PPDPFL: variants seen among roughly 807,000 people sequenced by gnomAD.
The protein encoded by PPDPFL is pancreatic progenitor cell differentiation and proliferation factor like.
In PPDPFL, 12 loss-of-function variants were observed where a neutral mutation model predicts 12.6. The ratio of observed to expected loss-of-function variants is 0.95; its 90% CI spans 0.61 to 1.54. The LOEUF is 1.54. Ranked by LOEUF, PPDPFL falls within the 40% of genes most tolerant of loss-of-function variation. The pLI, the probability that PPDPFL is intolerant of heterozygous loss-of-function variation, is 0.00. For synonymous variants in PPDPFL, 24 were observed against 32.7 expected (o/e 0.73, Z 0.91); for missense variants, 114 against 96.0 (o/e 1.19, Z -0.78).
upstream of PPDPFL, among the ~76,000 whole-genome samples, chr8:49,072,177 C>A (rs1376134326): frequency 6.6e-6 from 1 of 152,264 alleles, no homozygotes; most frequent in African/African-American, 2.4e-5. Context: ...ACTTGGCAGG[C>A]TGCTGCGTTC....
intron 1 of PPDPFL, among the ~76,000 whole-genome samples, chr8:49,060,931 GGT>G: frequency 6.6e-6 from 1 of 152,278 alleles, no homozygotes; most frequent in African/African-American, 2.4e-5. Context: ...GATTTGAACA[GGT>G]GATGCTCAAG....
chr8:49,060,060 A>G (rs1178023775), intron 1 of PPDPFL, among the ~76,000 whole-genome samples: 1 of 152,252 alleles, frequency 6.6e-6, no homozygotes, highest in Non-Finnish European at 1.5e-5. Flanking sequence ...ATGAAAGAAC[A>G]CTGTAGTTGA....
At chr8:49,067,196 C>T (rs980524411) in intron 1 of PPDPFL, among the ~76,000 whole-genome samples, 1 of 152,126 alleles carries the variant, frequency 6.6e-6, no homozygotes, top group Admixed American at 6.5e-5. Flanking sequence ...TCATATATCA[C>T]TTGTGGAGGC....
upstream of PPDPFL, among the ~76,000 whole-genome samples, chr8:49,069,092 G>T (rs889504227): frequency 6.6e-6 from 1 of 152,036 alleles, no homozygotes; most frequent in African/African-American, 2.4e-5. Context: ...TAAACAAACA[G>T]CACAAAGGTA....
chr8:49,074,905 A>C, intron 4 of PPDPFL: 2 of 1,387,812 alleles, frequency 1.4e-6, no homozygotes, highest in Non-Finnish European at 1.9e-6. Context: ...AAGAATCTAT[A>C]ATAAAGGGAT....
intron 1 of PPDPFL, among the ~76,000 whole-genome samples, chr8:49,057,153 C>T (rs1808123411): frequency 6.6e-6 from 1 of 152,160 alleles, no homozygotes. Flanking sequence ...GCTAAAAAAG[C>T]CTTGCCAATA....
chr8:49,064,862 G>A (rs145163465), intron 1 of PPDPFL, among the ~76,000 whole-genome samples: 1 of 152,068 alleles, frequency 6.6e-6, no homozygotes, highest in African/African-American at 2.4e-5. Flanking sequence ...TTTAAATTTC[G>A]ATCTGACATG....
chr8:49,066,272 C>T (rs891360385), intron 1 of PPDPFL, among the ~76,000 whole-genome samples: 1 of 152,172 alleles, frequency 6.6e-6, no homozygotes, highest in African/African-American at 2.4e-5. Context: ...ATATTTTCTC[C>T]ATATCCATGA....
At chr8:49,056,517 T>C (rs1187298365) in intron 1 of PPDPFL, among the ~76,000 whole-genome samples, 7 of 152,182 alleles carry the variant, frequency 4.6e-5, no homozygotes, top group African/African-American at 1.4e-4. Context: ...AAACTTTGTC[T>C]TGTTAACCTT....
At chr8:49,070,164 T>C (rs1808355763), upstream of PPDPFL, among the ~76,000 whole-genome samples, 1 of 152,198 alleles carries the variant, frequency 6.6e-6, no homozygotes. Flanking sequence ...ATACCACATG[T>C]TCTCACGTAA....
upstream of PPDPFL, among the ~76,000 whole-genome samples, chr8:49,069,002 G>A (rs1808341009): frequency 6.6e-6 from 1 of 152,118 alleles, no homozygotes; most frequent in African/African-American, 2.4e-5. Context: ...ACAGCAAGTT[G>A]AAAATTAAGG....
At chr8:49,074,168 A>G in intron 3 of PPDPFL, 32 bp downstream of exon 3, 1 of 1,602,560 alleles carries the variant, frequency 6.2e-7, no homozygotes, top group Non-Finnish European at 8.5e-7. Flanking sequence ...TGTCATCCTT[A>G]TTATTTCTTT....
intron 1 of PPDPFL, among the ~76,000 whole-genome samples, chr8:49,059,707 A>G (rs771663452): frequency 2.0e-5 from 3 of 152,208 alleles, no homozygotes; most frequent in African/African-American, 7.2e-5. Flanking sequence ...GATTAACATA[A>G]TATTAATTGC....
At chr8:49,070,969 G>C (rs1282450803), upstream of PPDPFL, among the ~76,000 whole-genome samples, 2 of 152,066 alleles carry the variant, frequency 1.3e-5, no homozygotes, top group South Asian at 2.1e-4. Context: ...CTGTACATTA[G>C]ATCTCTAGAA....
At chr8:49,069,328 T>G (rs757501574), upstream of PPDPFL, among the ~76,000 whole-genome samples, 8 of 152,220 alleles carry the variant, frequency 5.3e-5, no homozygotes, top group Non-Finnish European at 1.0e-4. Flanking sequence ...ACATGTAACA[T>G]AATGGCAGTA....
intron 1 of PPDPFL, 56 bp from the exon 2 acceptor site, chr8:49,072,730 GA>G (rs1486028278): frequency 3.8e-6 from 3 of 784,040 alleles, no homozygotes; most frequent in Non-Finnish European, 6.1e-6. Context: ...GTGGAAAAAA[GA>G]AAAGGAAACT....
chr8:49,069,025 T>C (rs917930751), upstream of PPDPFL, among the ~76,000 whole-genome samples: 3 of 152,190 alleles, frequency 2.0e-5, no homozygotes. Flanking sequence ...TACAAAAAGA[T>C]ATACTTTATG....
In PPDPFL at chr8:49,075,622, T is replaced by G. The variant is rs1196074287; in HGVS notation, c.*449T>G. The G allele has an allele frequency of 1.6e-5, 4 of 248,080 alleles. No individual in the cohort carries two copies. The Admixed American group carries it at 2.0e-4, about 13-fold the overall frequency. The allele number at this position is 248,080 out of a possible 1,614,324, so 15.4% of individuals were successfully genotyped here. A position where few individuals can be genotyped will look rare whatever the true frequency, so the allele number is the denominator to read the frequency against. ...ACTCTTTTTCTGTCTGTTGAGTGAT[T>G]TATTTATTATGCCTTAAAACTGACT... is the stretch of plus-strand genomic sequence containing the variant. On this transcript the variant is annotated 3_prime_UTR_variant, in exon 5 of 5. Transcript: ENST00000522267.
intron 1 of PPDPFL, among the ~76,000 whole-genome samples, chr8:49,055,604 A>G (rs1439123616): frequency 2.6e-5 from 4 of 152,128 alleles, no homozygotes; most frequent in Non-Finnish European, 5.9e-5. Flanking sequence ...ATGAAGTAAT[A>G]TCTGTGAATA....
Sources: gnomAD v4.1 joint callset for allele counts (sites outside exome capture counted in the v4.1 genomes callset) on GRCh38, gnomAD v4.1.1 for gene constraint, MANE v1.5 for transcripts, NCBI Gene and HGNC (gene_info 2026-07-23, HGNC 2026-07-21) for gene names.